UVRAG: variants seen among roughly 807,000 people sequenced by gnomAD.
UVRAG encodes UV radiation resistance associated.
Under a neutral mutation model 78.0 loss-of-function variants are expected in UVRAG, and 19 were observed. The ratio of observed to expected loss-of-function variants is 0.24; its 90% CI spans 0.17 to 0.36. The LOEUF is 0.36. UVRAG is among the 10% of genes least tolerant of loss of function. UVRAG has a pLI of 1.00. For missense variants in UVRAG, 740 were observed against 853.8 expected (o/e 0.87, Z 1.66); for synonymous variants, 323 against 324.6 (o/e 1.00, Z 0.05).
intron 13 of UVRAG, among the ~76,000 whole-genome samples, chr11:76,082,488 GGA>G (rs1206604085): frequency 1.4e-5 from 2 of 145,686 alleles, no homozygotes; most frequent in Non-Finnish European, 3.0e-5. Context: ...TGCAGTGAGC[GGA>G]GATGGCACCA....
At chr11:75,847,796 C>T (rs1389203472) in intron 1 of UVRAG, among the ~76,000 whole-genome samples, 1 of 151,672 alleles carries the variant, frequency 6.6e-6, no homozygotes, top group Admixed American at 6.6e-5. Flanking sequence ...CATGGTGAAA[C>T]CCCGTCTCCA....
chr11:75,958,808 T>C (rs574502844), intron 6 of UVRAG, among the ~76,000 whole-genome samples: 66 of 152,344 alleles, frequency 4.3e-4, no homozygotes, highest in African/African-American at 1.6e-3. Context: ...TTATGAAATG[T>C]ATTTCTTAAA....
chr11:76,117,988 C>T (rs954017552), intron 14 of UVRAG, among the ~76,000 whole-genome samples: 2 of 152,336 alleles, frequency 1.3e-5, no homozygotes, highest in South Asian at 4.1e-4. Flanking sequence ...GAAGGCTCTT[C>T]TTCAAAACTC....
chr11:75,912,386 G>A (rs1947758974), intron 6 of UVRAG, among the ~76,000 whole-genome samples: 3 of 152,182 alleles, frequency 2.0e-5, no homozygotes, highest in Non-Finnish European at 4.4e-5. Context: ...GGCATCACTC[G>A]GAAAGCCCTT....
chr11:75,857,521 G>A (rs867536125), intron 2 of UVRAG, among the ~76,000 whole-genome samples: 5 of 144,606 alleles, frequency 3.5e-5, no homozygotes, highest in Middle Eastern at 3.6e-3. Flanking sequence ...ATGGAGTCTC[G>A]CTCTGTTGCC....
At chr11:76,134,395 C>T (rs1223988737) in intron 14 of UVRAG, among the ~76,000 whole-genome samples, 1 of 151,944 alleles carries the variant, frequency 6.6e-6, no homozygotes, top group Non-Finnish European at 1.5e-5. Flanking sequence ...TCCCTAAGTG[C>T]TGGGACTACA....
At chr11:76,098,685 C>T (rs1951828311) in intron 13 of UVRAG, among the ~76,000 whole-genome samples, 1 of 152,074 alleles carries the variant, frequency 6.6e-6, no homozygotes, top group Admixed American at 6.6e-5. Flanking sequence ...AGATGAATAG[C>T]ACAAAGAGTA....
intron 6 of UVRAG, among the ~76,000 whole-genome samples, chr11:75,913,590 G>C (rs1257435090): frequency 6.6e-6 from 1 of 152,202 alleles, no homozygotes; most frequent in African/African-American, 2.4e-5. Flanking sequence ...AGTCCTTCAT[G>C]CATCAGGGAT....
intron 7 of UVRAG, among the ~76,000 whole-genome samples, chr11:75,974,617 C>T (rs561976995): frequency 3.3e-5 from 5 of 152,156 alleles, no homozygotes; most frequent in Admixed American, 1.3e-4. Context: ...CCACCCGCCT[C>T]GGCCTCCCAA....
At chr11:75,946,320 G>A (rs1216585647) in intron 6 of UVRAG, among the ~76,000 whole-genome samples, 2 of 152,140 alleles carry the variant, frequency 1.3e-5, no homozygotes, top group Non-Finnish European at 2.9e-5. Context: ...ATAATGTGCA[G>A]GTGTTATTTT....
At chr11:76,005,229 G>C (rs541616587) in intron 9 of UVRAG, among the ~76,000 whole-genome samples, 1 of 152,236 alleles carries the variant, frequency 6.6e-6, no homozygotes, top group East Asian at 1.9e-4. Flanking sequence ...TATAGTCCCA[G>C]CTACTCGGGA....
At chr11:75,914,148 G>A (rs760289529) in intron 6 of UVRAG, 3 of 152,198 alleles carry the variant, frequency 2.0e-5, no homozygotes, top group South Asian at 2.1e-4. Flanking sequence ...TGGGACTTTG[G>A]TGATAGTTCT....
rs1946896856 is a variant in UVRAG at position 75,879,752 on chromosome 11, T to G, written c.271-127T>G. The G allele has an allele frequency of 8.0e-6, 10 of 1,252,940 alleles. No homozygotes were observed. The South Asian group carries it at 1.4e-4, about 17-fold the overall frequency. The allele number at this position is 1,252,940 out of a possible 1,614,324, so 77.6% of individuals were successfully genotyped here. On this transcript the variant is annotated intron_variant, in intron 3 of 14. Coordinates refer to ENST00000356136, the MANE Select transcript of UVRAG (RefSeq NM_003369.4). ...TAATTGTAATGTCTTCTTGGCTTAC[T>G]TAAGTTTGCAATTTAATGTATTTAT...
chr11:75,950,359 A>G (rs1948667228), intron 6 of UVRAG, among the ~76,000 whole-genome samples: 1 of 152,156 alleles, frequency 6.6e-6, no homozygotes, highest in Non-Finnish European at 1.5e-5. Context: ...TCCTGAACTC[A>G]AGGGATTCTC....
At chr11:75,908,736 T>C (rs1425287615) in intron 5 of UVRAG, among the ~76,000 whole-genome samples, 1 of 144,602 alleles carries the variant, frequency 6.9e-6, no homozygotes, top group African/African-American at 2.7e-5. Flanking sequence ...TTTTTTTTTT[T>C]TTTGTGGGAG....
chr11:75,959,674 T>G (rs777519229), intron 6 of UVRAG, among the ~76,000 whole-genome samples: 50 of 152,230 alleles, frequency 3.3e-4, no homozygotes, highest in African/African-American at 1.2e-3. Flanking sequence ...TTAATTTCCT[T>G]CAAGAACTTT....
intron 14 of UVRAG, chr11:76,137,288 G>A (rs1952614745): frequency 4.4e-6 from 2 of 454,942 alleles, no homozygotes; most frequent in Non-Finnish European, 8.8e-6. Flanking sequence ...CGCCAGAGGG[G>A]ACTCGAAGAA....
At chr11:75,872,061 G>T (rs946312285) in intron 3 of UVRAG, among the ~76,000 whole-genome samples, 4 of 152,184 alleles carry the variant, frequency 2.6e-5, no homozygotes, top group African/African-American at 9.7e-5. Context: ...GATCTAACTT[G>T]ATAGTTAACA....
chr11:76,030,370 C>T (rs186296225), intron 12 of UVRAG, among the ~76,000 whole-genome samples: 1 of 152,050 alleles, frequency 6.6e-6, no homozygotes, highest in Non-Finnish European at 1.5e-5. Flanking sequence ...GGGACCAAAC[C>T]CACAATATAT....
Sources: gnomAD v4.1 joint callset for allele counts (sites outside exome capture counted in the v4.1 genomes callset) on GRCh38, gnomAD v4.1.1 for gene constraint, MANE v1.5 for transcripts, NCBI Gene and HGNC (gene_info 2026-07-23, HGNC 2026-07-21) for gene names.